The following FAM178B variants were observed in gnomAD, a reference collection of about 807,000 sequenced individuals.
The protein encoded by FAM178B is protein FAM178B.
A neutral mutation model predicts 91.7 loss-of-function variants in FAM178B; 82 were observed. That is an observed-to-expected ratio of 0.89 (90% CI 0.75 to 1.07). FAM178B has a LOEUF of 1.07. Among genes scored for constraint, FAM178B ranks in the 50% least tolerant of loss-of-function variants. The probability of loss-of-function intolerance (pLI) is 0.00; values close to 1 mark genes in which losing one functional copy is unlikely to be tolerated. For synonymous variants in FAM178B, 368 were observed against 359.4 expected, an observed-to-expected ratio of 1.02 and a Z score of -0.27; for missense variants, 769 against 846.7, an observed-to-expected ratio of 0.91 and a Z score of 1.14.
At chr2:96,951,357 G>C in intron 7 of FAM178B, 22 bp downstream of exon 7, 1 of 1,528,460 alleles carries the variant, frequency 6.5e-7, no homozygotes, top group Non-Finnish European at 8.9e-7. Context: ...CCGCCACCTA[G>C]TGGCAGGCCT....
At chr2:96,958,097 C>T (rs1247690163) in intron 6 of FAM178B, among the ~76,000 whole-genome samples, 20 of 127,400 alleles carry the variant, frequency 1.6e-4, no homozygotes, top group Non-Finnish European at 2.7e-4. Context: ...GAGATGGAGT[C>T]TCGCTCTGTC....
intron 10 of FAM178B, 41 bp downstream of exon 10, chr2:96,923,449 A>C (rs1164644037): frequency 1.4e-6 from 2 of 1,465,356 alleles, no homozygotes; most frequent in East Asian, 4.9e-5. Flanking sequence ...TCTGAACTGT[A>C]AGCCGAGAGT....
chr2:96,900,220 C>T (rs184157139), intron 13 of FAM178B, among the ~76,000 whole-genome samples: 172 of 152,300 alleles, frequency 1.1e-3, no homozygotes, highest in East Asian at 6.8e-3. Context: ...TTGTGCTCCC[C>T]CCTGCCTCTA....
intron 7 of FAM178B, chr2:96,950,025 C>A: frequency 1.0e-6 from 1 of 985,864 alleles, no homozygotes; most frequent in Non-Finnish European, 1.2e-6. Flanking sequence ...CTCCAGCCCC[C>A]TCGCAGCATG....
At chr2:96,920,820 G>A (rs935950059) in intron 12 of FAM178B, among the ~76,000 whole-genome samples, 3 of 151,200 alleles carry the variant, frequency 2.0e-5, no homozygotes, top group East Asian at 1.9e-4. Flanking sequence ...GAGAGTGTGC[G>A]AGTGGGAGTC....
At chr2:96,883,897 C>G (rs2080451709) in intron 14 of FAM178B, among the ~76,000 whole-genome samples, 1 of 152,128 alleles carries the variant, frequency 6.6e-6, no homozygotes, top group Non-Finnish European at 1.5e-5. Flanking sequence ...GCCTAGAGGT[C>G]CAGCCCAGCC....
intron 16 of FAM178B, among the ~76,000 whole-genome samples, chr2:96,877,158 G>A (rs573017575): frequency 1.7e-4 from 26 of 152,174 alleles, no homozygotes; most frequent in African/African-American, 4.3e-4. Flanking sequence ...GAGAAAACTC[G>A]GCGGGGGTAG....
intron 7 of FAM178B, among the ~76,000 whole-genome samples, chr2:96,949,364 C>T (rs1192851066): frequency 6.6e-6 from 1 of 152,186 alleles, no homozygotes; most frequent in Non-Finnish European, 1.5e-5. Flanking sequence ...TTTGACTGGA[C>T]AAGGGGACCA....
At chr2:96,880,533 TTTAAGA>T (rs941420224) in intron 14 of FAM178B, among the ~76,000 whole-genome samples, 1 of 152,250 alleles carries the variant, frequency 6.6e-6, no homozygotes, top group African/African-American at 2.4e-5. Context: ...TTTTTCCTTT[TTTAAGA>T]TTATTTCTCT....
At chr2:96,952,181 AC>A (rs1483319829) in intron 6 of FAM178B, among the ~76,000 whole-genome samples, 1 of 151,966 alleles carries the variant, frequency 6.6e-6, no homozygotes, top group Admixed American at 6.6e-5. Flanking sequence ...GGGCACGATT[AC>A]CCCCACGAGG....
chr2:96,943,240 T>C (rs891109538), intron 8 of FAM178B, among the ~76,000 whole-genome samples: 7 of 152,332 alleles, frequency 4.6e-5, no homozygotes, highest in African/African-American at 1.7e-4. Flanking sequence ...ATCACATATC[T>C]GGTAAAAAAG....
rs1291623269 is a variant in FAM178B, at chr2:96,951,390, A to G, written c.982T>C (p.Trp328Arg). 2.6e-6 allele frequency: 4 copies of G among 1,550,818 alleles called. No homozygotes were observed. Among genetic ancestry groups the G allele is most frequent in the Non-Finnish European group, 3.5e-6 (4 of 1,146,442 alleles). Residue 328 changes from tryptophan (W) to arginine (R), a missense_variant, in exon 7 of 17, where the codon TGG becomes CGG. Trp to Arg is a moderately radical substitution (Grantham distance 101). Coordinates refer to ENST00000490605, the MANE Select transcript of FAM178B (RefSeq NM_001122646.3). ...MPDCPVSLLQ[W>R]LFQLLTWPPE... ...CCTGCGGTCCTCACCTGGAACAGCC[A>G]CTGGAGCAGGGATACCGGGCAGTCA...
chr2:96,955,476 A>C (rs888982757), intron 6 of FAM178B, among the ~76,000 whole-genome samples: 2 of 151,376 alleles, frequency 1.3e-5, no homozygotes, highest in African/African-American at 4.9e-5. Flanking sequence ...GCGCCACTGC[A>C]CTCCAGCCTG....
intron 8 of FAM178B, among the ~76,000 whole-genome samples, chr2:96,932,675 C>T (rs989829012): frequency 3.3e-5 from 5 of 151,882 alleles, no homozygotes; most frequent in South Asian, 2.1e-4. Flanking sequence ...TGGTGGCTCA[C>T]GCCTGTAATC....
At chr2:96,920,051 C>CA in intron 12 of FAM178B, among the ~76,000 whole-genome samples, 1 of 151,982 alleles carries the variant, frequency 6.6e-6, no homozygotes, top group Non-Finnish European at 1.5e-5. Context: ...AGGTGTCTGC[C>CA]AAAGTTGAGG....
chr2:96,899,848 ACTC>A (rs1239652921), intron 13 of FAM178B, among the ~76,000 whole-genome samples: 5 of 75,170 alleles, frequency 6.7e-5, no homozygotes, highest in South Asian at 4.0e-4. Context: ...CCCATTCCCC[ACTC>A]TTTTTTTTTT....
chr2:96,882,844 G>A (rs1167658226), intron 14 of FAM178B, among the ~76,000 whole-genome samples: 1 of 152,236 alleles, frequency 6.6e-6, no homozygotes, highest in East Asian at 1.9e-4. Flanking sequence ...CGTTAGTCAG[G>A]CTGGGAAGCC....
chr2:96,934,184 T>C (rs1400588201), intron 8 of FAM178B, among the ~76,000 whole-genome samples: 1 of 151,992 alleles, frequency 6.6e-6, no homozygotes, highest in Non-Finnish European at 1.5e-5. Flanking sequence ...AACGCACACA[T>C]GAAAGATACA....
At chr2:96,986,061 G>C (rs1042991610) in intron 1 of FAM178B, among the ~76,000 whole-genome samples, 180 bp downstream of exon 1, 3 of 152,186 alleles carry the variant, frequency 2.0e-5, no homozygotes, top group Non-Finnish European at 4.4e-5. Flanking sequence ...AGGAGGGCCC[G>C]GCTCACGTCG....
Sources: allele counts gnomAD v4.1 joint callset (sites outside exome capture counted in the v4.1 genomes callset), GRCh38; gene constraint gnomAD v4.1.1; transcripts MANE v1.5; gene names NCBI Gene and HGNC (gene_info 2026-07-23, HGNC 2026-07-21).